PTPRG: variants seen among roughly 807,000 people sequenced by gnomAD.
The protein encoded by PTPRG is protein tyrosine phosphatase receptor type G, also known as receptor-type tyrosine-protein phosphatase gamma.
PTPRG carries 102 observed loss-of-function variants against 165.3 expected under a neutral mutation model. The observed-to-expected ratio is 0.62, with a 90% confidence interval of 0.53 to 0.73. PTPRG has a LOEUF of 0.73. PTPRG is among the 30% of genes least tolerant of loss of function. The pLI is 0.00. For missense variants in PTPRG, 1,866 were observed against 1,861.4 expected (o/e 1.00, Z -0.05); for synonymous variants, 675 against 669.5 (o/e 1.01, Z -0.13).
chr3:61,945,705 T>C (rs1575812025), intron 2 of PTPRG, among the ~76,000 whole-genome samples: 1 of 151,834 alleles, frequency 6.6e-6, no homozygotes, highest in East Asian at 1.9e-4. Flanking sequence ...AACATAAATA[T>C]GTCATCTGTA....
intron 2 of PTPRG, among the ~76,000 whole-genome samples, chr3:61,881,948 T>A (rs774962278): frequency 6.6e-6 from 1 of 152,236 alleles, no homozygotes; most frequent in Non-Finnish European, 1.5e-5. Context: ...CCAGTCATCA[T>A]GTATATAACT....
At chr3:62,118,879 C>G (rs2106882088) in intron 5 of PTPRG, among the ~76,000 whole-genome samples, 1 of 152,330 alleles carries the variant, frequency 6.6e-6, no homozygotes, top group East Asian at 1.9e-4. Flanking sequence ...AATCCCAGAA[C>G]TCTTTGAACT....
intron 2 of PTPRG, among the ~76,000 whole-genome samples, chr3:61,901,572 TC>T (rs2107522045): frequency 6.6e-6 from 1 of 152,328 alleles, no homozygotes; most frequent in Non-Finnish European, 1.5e-5. Flanking sequence ...TGTATATGCT[TC>T]CCAATTTCAA....
chr3:61,869,254 T>G (rs780246469), intron 2 of PTPRG, among the ~76,000 whole-genome samples: 1 of 152,188 alleles, frequency 6.6e-6, no homozygotes, highest in African/African-American at 2.4e-5. Flanking sequence ...ATAATTTAAT[T>G]TCTATTTTGG....
At chr3:62,159,337 A>G (rs937665890) in intron 7 of PTPRG, among the ~76,000 whole-genome samples, 8 of 152,214 alleles carry the variant, frequency 5.3e-5, no homozygotes, top group Admixed American at 1.3e-4. Flanking sequence ...TCAAAAAAAA[A>G]AGAGAAAGAT....
rs375002978 is a variant in PTPRG, at chr3:62,197,650, T to G, written c.1327+2480T>G. On this transcript the variant is annotated intron_variant, in intron 10 of 29. Coordinates refer to ENST00000474889, the MANE Select transcript of PTPRG (RefSeq NM_002841.4). The stretch of plus-strand genomic sequence containing the variant: ...CGGGGCCCTTGGAACTTCGGACACA[T>G]AAATCATGATTAAGGCCTCCTATGT... 2.4e-4 allele frequency among the ~76,000 whole-genome samples: 36 copies of G among 152,266 alleles called. No homozygotes were observed. In the East Asian group the frequency reaches 6.8e-3, roughly 29 times the overall value.
intron 2 of PTPRG, among the ~76,000 whole-genome samples, chr3:61,757,963 G>C: frequency 6.6e-6 from 1 of 152,182 alleles, no homozygotes; most frequent in East Asian, 1.9e-4. Flanking sequence ...CATGTGCTCT[G>C]TGATTTACTT....
At chr3:62,140,808 C>T (rs1703897481) in intron 6 of PTPRG, among the ~76,000 whole-genome samples, 1 of 142,770 alleles carries the variant, frequency 7.0e-6, no homozygotes. Flanking sequence ...GATTAAGCCA[C>T]TGCACTCCAG....
rs549297784 is a variant in PTPRG at position 62,068,476 on chromosome 3, GTTT to G, written c.520-9686_520-9684del. ...ACTCGGCCCTACTCTGTTTTGGTTT[GTTT>G]GTTTGTTTTTAATTGAAGCAGAGTC... On this transcript the variant is annotated intron_variant, in intron 4 of 29. Coordinates refer to ENST00000474889, the MANE Select transcript of PTPRG (RefSeq NM_002841.4). Among the ~76,000 whole-genome samples the G allele has an allele frequency of 4.4e-3, 677 of 152,206 alleles. 3 individuals are homozygous for G. Among genetic ancestry groups the G allele is most frequent in the African/African-American group, 0.015 (643 of 41,532 alleles).
At chr3:61,685,297 G>T (rs900532703) in intron 1 of PTPRG, among the ~76,000 whole-genome samples, 12 of 152,188 alleles carry the variant, frequency 7.9e-5, no homozygotes, top group African/African-American at 2.9e-4. Flanking sequence ...TATCGTGGAG[G>T]GCAAGTTAGT....
Position 61,637,010 on chromosome 3 carries a change from A to G in PTPRG, c.85+74638A>G, listed in dbSNP as rs190039163. Among the ~76,000 whole-genome samples the G allele has an allele frequency of 8.7e-4, 132 of 152,310 alleles. 1 individual carries two copies. Among genetic ancestry groups the G allele is most frequent in the African/African-American group, 2.9e-3 (121 of 41,566 alleles). ...TCCATTCTCTGTCCTCATCCATGTCAGTGATCAGTATACTGATTGCTGAGT... is the reference window on the plus strand; with the variant it reads ...TCCATTCTCTGTCCTCATCCATGTCGGTGATCAGTATACTGATTGCTGAGT... On this transcript the variant is annotated intron_variant, in intron 1 of 29. Transcript: ENST00000474889.
At chr3:61,906,512 G>C (rs192147326) in intron 2 of PTPRG, among the ~76,000 whole-genome samples, 12 of 152,160 alleles carry the variant, frequency 7.9e-5, no homozygotes, top group African/African-American at 1.2e-4. Context: ...GCTCACACCT[G>C]TAATCTCAGC....
chr3:61,977,906 G>C (rs1028356392), intron 2 of PTPRG, among the ~76,000 whole-genome samples: 9 of 152,184 alleles, frequency 5.9e-5, no homozygotes, highest in Non-Finnish European at 5.9e-5. Context: ...ATGTAATTTA[G>C]AGGTCTTTTA....
At chr3:62,243,064 A>C (rs1223850613) in intron 14 of PTPRG, among the ~76,000 whole-genome samples, 2 of 152,116 alleles carry the variant, frequency 1.3e-5, no homozygotes, top group Non-Finnish European at 2.9e-5. Flanking sequence ...CGCAATGAGC[A>C]GTGACGTGGA....
chr3:61,999,375 C>G (rs13098654), intron 3 of PTPRG, among the ~76,000 whole-genome samples: 2 of 152,236 alleles, frequency 1.3e-5, no homozygotes, highest in South Asian at 2.1e-4. Context: ...GTGCACTAAT[C>G]CCATTCACGA....
intron 6 of PTPRG, among the ~76,000 whole-genome samples, chr3:62,141,326 C>T (rs1331925663): frequency 6.6e-6 from 1 of 152,078 alleles, no homozygotes; most frequent in Non-Finnish European, 1.5e-5. Flanking sequence ...GATGTATAGG[C>T]CAGGCGCGGT....
intron 1 of PTPRG, among the ~76,000 whole-genome samples, chr3:61,644,478 T>G (rs1367940125): frequency 1.3e-5 from 2 of 152,126 alleles, no homozygotes; most frequent in Admixed American, 1.3e-4. Context: ...CCAGTGGGTT[T>G]TTGGTATATT....
intron 2 of PTPRG, among the ~76,000 whole-genome samples, chr3:61,956,426 A>ATTC (rs10662809): frequency 6.6e-6 from 1 of 151,670 alleles, no homozygotes; most frequent in Non-Finnish European, 1.5e-5. Flanking sequence ...ACTTTTGGTC[A>ATTC]TTACTATTCT....
intron 8 of PTPRG, among the ~76,000 whole-genome samples, chr3:62,185,263 A>G (rs61391164): frequency 0.16 from 24,820 of 152,212 alleles, 2,824 homozygotes; most frequent in East Asian, 0.35. Flanking sequence ...AGGCCCCTGA[A>G]AGGGGAAAGG....
Sources: allele counts gnomAD v4.1 joint callset (sites outside exome capture counted in the v4.1 genomes callset), GRCh38; gene constraint gnomAD v4.1.1; transcripts MANE v1.5; gene names NCBI Gene and HGNC (gene_info 2026-07-23, HGNC 2026-07-21).